The following ZBTB7C variants were observed in gnomAD, a reference collection of about 807,000 sequenced individuals.
ZBTB7C encodes zinc finger and BTB domain containing 7C, also known as zinc finger and BTB domain-containing protein 7C.
ZBTB7C carries 8 observed loss-of-function variants against 25.7 expected under a neutral mutation model. The observed-to-expected ratio is 0.31, with a 90% confidence interval of 0.18 to 0.56. The LOEUF is 0.56. ZBTB7C is among the 20% of genes least tolerant of loss of function. ZBTB7C has a pLI of 0.91. For missense variants in ZBTB7C, 824 were observed against 855.2 expected (o/e 0.96, Z 0.46); for synonymous variants, 394 against 369.0 (o/e 1.07, Z -0.78).
At chr18:48,100,916 G>T (rs940065364) in intron 3 of ZBTB7C, among the ~76,000 whole-genome samples, 10 of 28,166 alleles carry the variant, frequency 3.6e-4, no homozygotes, top group Non-Finnish European at 8.7e-4. Flanking sequence ...GGACTGGTGG[G>T]GGGGCTGGAA....
intron 2 of ZBTB7C, among the ~76,000 whole-genome samples, chr18:48,240,914 G>A (rs1425918801): frequency 2.0e-5 from 3 of 152,078 alleles, no homozygotes; most frequent in African/African-American, 7.2e-5. Context: ...GGCAGAATGG[G>A]TAAGAATTCA....
chr18:48,407,442 T>C (rs558128990), intron 1 of ZBTB7C, among the ~76,000 whole-genome samples: 1 of 152,328 alleles, frequency 6.6e-6, no homozygotes, highest in East Asian at 1.9e-4. Context: ...ACGGGAAATA[T>C]ACCACATTCG....
chr18:48,403,505 C>T (rs9955677), intron 1 of ZBTB7C, among the ~76,000 whole-genome samples: 5,384 of 152,322 alleles, frequency 0.035, 321 homozygotes, highest in African/African-American at 0.12. Flanking sequence ...ACAGCACTAA[C>T]TGGCTTATTC....
chr18:48,330,261 T>C (rs151196783), intron 2 of ZBTB7C, among the ~76,000 whole-genome samples: 3 of 152,326 alleles, frequency 2.0e-5, no homozygotes, highest in African/African-American at 4.8e-5. Flanking sequence ...ATGTACCTTG[T>C]TGAGGTCTCC....
At chr18:48,153,458 C>A (rs2040739988) in intron 3 of ZBTB7C, among the ~76,000 whole-genome samples, 1 of 152,066 alleles carries the variant, frequency 6.6e-6, no homozygotes, top group Admixed American at 6.5e-5. Context: ...CAAGGTACAA[C>A]CTTCCTTGTT....
At chr18:48,071,950 C>T (rs191828710) in intron 3 of ZBTB7C, among the ~76,000 whole-genome samples, 6 of 152,172 alleles carry the variant, frequency 3.9e-5, no homozygotes, top group Admixed American at 1.3e-4. Flanking sequence ...GGAGGTGTGG[C>T]GAGTTAGTGT....
intron 2 of ZBTB7C, among the ~76,000 whole-genome samples, chr18:48,328,107 G>A (rs867552106): frequency 2.0e-5 from 3 of 151,058 alleles, no homozygotes; most frequent in East Asian, 3.9e-4. Flanking sequence ...GCATGAACCC[G>A]GGAGGTGGAG....
intron 3 of ZBTB7C, among the ~76,000 whole-genome samples, chr18:48,160,859 C>T (rs1182704067): frequency 6.6e-6 from 1 of 151,916 alleles, no homozygotes; most frequent in Non-Finnish European, 1.5e-5. Context: ...CCTGAAAGGC[C>T]TCCCCTGTCC....
Position 48,040,848 on chromosome 18 carries a change from G to A in ZBTB7C, c.260C>T (p.Ala87Val). 6.2e-7 allele frequency: 1 copy of A among 1,614,072 alleles called. No individual in the cohort carries two copies. The change falls in exon 4 of 5, where the codon GCT (alanine) becomes GTT (valine). Residue 87 changes from alanine to valine, a missense_variant. Physicochemically the swap from Ala to Val is moderately conservative, Grantham distance 64. Around this residue, in one of 4 missense-constraint regions of ZBTB7C, gnomAD observed 117 missense variants for 167.7 expected, o/e 0.70. Coordinates refer to ENST00000590800, the MANE Select transcript of ZBTB7C (RefSeq NM_001318841.2). The part of the protein sequence containing the change: ...IDFVQPEALA[A>V]ILEFAYTSTL... ...GGAGGTGTAGGCGAACTCCAGGATA[G>A]CAGCCAGAGCCTCAGGCTGGACAAA...
At chr18:48,206,813 C>T (rs755813338) in intron 2 of ZBTB7C, among the ~76,000 whole-genome samples, 1 of 152,016 alleles carries the variant, frequency 6.6e-6, no homozygotes, top group Non-Finnish European at 1.5e-5. Flanking sequence ...CAAAGAAGTT[C>T]GTTAAACAGG....
At chr18:48,344,355 T>C (rs1305232669) in intron 1 of ZBTB7C, among the ~76,000 whole-genome samples, 1 of 152,236 alleles carries the variant, frequency 6.6e-6, no homozygotes, top group South Asian at 2.1e-4. Context: ...CTTGTCACAA[T>C]GCAGGTGCTG....
Position 48,300,543 on chromosome 18 carries a change from T to C in ZBTB7C, c.-79+37631A>G, listed in dbSNP as rs546132729. Among the ~76,000 whole-genome samples the C allele has an allele frequency of 2.6e-3, 402 of 152,246 alleles. 1 individual carries two copies. The highest frequency in any genetic ancestry group is 4.1e-3 in the Non-Finnish European group (279 of 68,016). On this transcript the variant is annotated intron_variant, in intron 2 of 4. Transcript: ENST00000590800. The stretch of plus-strand genomic sequence containing the variant: ...CTTGGCCCCAGCCAGGTCGTTTTTT[T>C]ACTCTTGCTACAGATACCAAGCAGG...
chr18:48,288,235 T>G (rs1206370607), intron 2 of ZBTB7C, among the ~76,000 whole-genome samples: 4 of 152,260 alleles, frequency 2.6e-5, no homozygotes, highest in Non-Finnish European at 4.4e-5. Context: ...TTTATGTCCC[T>G]TCACAATTCA....
At position 48,338,168 on chromosome 18, in the gene ZBTB7C, C is replaced by T. The variant is rs780039782; in HGVS notation, c.-79+6G>A. On this transcript the variant is annotated splice_donor_region_variant and intron_variant, in intron 2 of 4. Transcript: ENST00000590800. ...ATAAAGGATAGACAAGCCTCAGGTT[C>T]ATTACCTGTCATTACACCATGTACA... The T allele has an allele frequency of 4.6e-5, 7 of 152,342 alleles. No homozygotes were observed. Among genetic ancestry groups the T allele is most frequent in the Non-Finnish European group, 7.3e-5 (5 of 68,032 alleles). 9.4% of individuals were successfully genotyped at this position (152,342 alleles called of 1,614,324 possible). A position where few individuals can be genotyped will look rare whatever the true frequency, so the allele number is the denominator to read the frequency against.
In ZBTB7C at chr18:48,029,295, TGAGGCCGGCGAGCCCAGG is replaced by T. The variant is rs527708077; in HGVS notation, c.1807_1824del (p.Pro603_Leu608del). ...GCTTCGGACATGGAGGCCACGTGGT[TGAGGCCGGCGAGCCCAGG>T]GAGGCCGGCCAGGCCGGCGGCCCAA... is the stretch of plus-strand genomic sequence containing the variant. On this transcript the variant is annotated inframe_deletion, in exon 5 of 5. Transcript: ENST00000590800. 1.1e-4 allele frequency: 164 copies of T among 1,538,010 alleles called. No homozygotes were observed. In the South Asian group the frequency reaches 1.8e-3, roughly 17 times the overall value.
intron 2 of ZBTB7C, among the ~76,000 whole-genome samples, chr18:48,209,637 T>C (rs2042657174): frequency 6.6e-6 from 1 of 151,906 alleles, no homozygotes; most frequent in Non-Finnish European, 1.5e-5. Context: ...ACATTTGTAG[T>C]CCCAGCTACT....
At chr18:48,374,672 G>A (rs1388598240) in intron 1 of ZBTB7C, among the ~76,000 whole-genome samples, 1 of 152,206 alleles carries the variant, frequency 6.6e-6, no homozygotes, top group Non-Finnish European at 1.5e-5. Context: ...CACCAGCCTG[G>A]TATTACTCTT....
chr18:48,029,747 G>A lies in ZBTB7C; in HGVS notation c.1373C>T (p.Thr458Met), dbSNP rs749554533. The A allele has an allele frequency of 3.1e-6, 5 of 1,607,712 alleles. No individual in the cohort carries two copies. In the South Asian group the frequency reaches 3.3e-5, roughly 11 times the overall value. The change falls in exon 5 of 5, where the codon ACG becomes ATG. Residue 458 changes from threonine (T) to methionine (M), a missense_variant. This residue lies in a region of ZBTB7C where 342 missense variants were observed against 307.0 expected (regional missense o/e 1.11). Transcript: ENST00000590800. ...GTGGCGGTGCAGGTGGTCAGAGCGCGTGAAGCTCTTGTAGCAGAACTCGCA... is the reference window on the plus strand; with the variant it reads ...GTGGCGGTGCAGGTGGTCAGAGCGCATGAAGCTCTTGTAGCAGAACTCGCA... Reference protein sequence around the residue: ...YQCEFCYKSFTRSDHLHRHIK... With the variant: ...YQCEFCYKSFMRSDHLHRHIK...
At chr18:48,218,780 C>G (rs1309933288) in intron 2 of ZBTB7C, among the ~76,000 whole-genome samples, 1 of 152,206 alleles carries the variant, frequency 6.6e-6, no homozygotes, top group Admixed American at 6.5e-5. Context: ...GTGGGGCTAC[C>G]CACCTACAGG....
Sources: gnomAD v4.1 joint callset for allele counts (sites outside exome capture counted in the v4.1 genomes callset) on GRCh38, gnomAD v4.1.1 for gene constraint, gnomAD v4.1.1 regional missense constraint, MANE v1.5 for transcripts, NCBI Gene and HGNC (gene_info 2026-07-23, HGNC 2026-07-21) for gene names.